ZNF148: variants seen among roughly 807,000 people sequenced by gnomAD.
The protein encoded by ZNF148 is zinc finger protein 148, also known as Beta-Enolase Repressor Factor-1.
ZNF148 carries 7 observed loss-of-function variants against 67.7 expected under a neutral mutation model. The observed-to-expected ratio is 0.10, with a 90% confidence interval of 0.06 to 0.19. The LOEUF is 0.19. ZNF148 is among the 10% of genes least tolerant of loss of function. The pLI, the probability that ZNF148 is intolerant of heterozygous loss-of-function variation, is 1.00. For missense variants in ZNF148, 583 were observed against 947.1 expected, an observed-to-expected ratio of 0.62 and a Z score of 5.05; for synonymous variants, 333 against 330.7, an observed-to-expected ratio of 1.01 and a Z score of -0.08.
intron 1 of ZNF148, among the ~76,000 whole-genome samples, chr3:125,340,113 A>C (rs2107731967): frequency 6.6e-6 from 1 of 152,342 alleles, no homozygotes; most frequent in Admixed American, 6.5e-5. Context: ...ATGGAGAAAC[A>C]AAAGAGCAGC....
At chr3:125,371,715 A>G (rs1441044058) in intron 1 of ZNF148, among the ~76,000 whole-genome samples, 1 of 151,604 alleles carries the variant, frequency 6.6e-6, no homozygotes, top group Admixed American at 6.6e-5. Context: ...TTCAAGGGTC[A>G]TTTTAATGCA....
At chr3:125,267,068 C>A (rs1937548017) in intron 7 of ZNF148, among the ~76,000 whole-genome samples, 1 of 142,848 alleles carries the variant, frequency 7.0e-6, no homozygotes, top group Admixed American at 7.1e-5. Context: ...ACACACCAAC[C>A]AGGAAAGAAA....
At chr3:125,268,676 G>C (rs1400366320) in intron 7 of ZNF148, among the ~76,000 whole-genome samples, 1 of 152,110 alleles carries the variant, frequency 6.6e-6, no homozygotes, top group Non-Finnish European at 1.5e-5. Flanking sequence ...TCCCGCAATT[G>C]CAACAACAAT....
rs941257665 is a variant in ZNF148 at position 125,232,152 on chromosome 3, A to T, written c.*189T>A. Reference sequence around the variant, plus strand: ...TGCTTCTATAAAGGTGACAACATGTAAGGCAGTTCAAAGAATGCTGACTAA... The same window carrying T: ...TGCTTCTATAAAGGTGACAACATGTTAGGCAGTTCAAAGAATGCTGACTAA... On this transcript the variant is annotated 3_prime_UTR_variant, in exon 9 of 9. Coordinates refer to ENST00000360647, the MANE Select transcript of ZNF148 (RefSeq NM_021964.3). This position sits in a 1 kb window ranked among gnomAD's most constrained non-coding sequence, Gnocchi z 4.2. 9 of 626,770 alleles carry T rather than the reference A, an allele frequency of 1.4e-5. No individual in the cohort carries two copies. Among genetic ancestry groups the T allele is most frequent in the African/African-American group, 3.7e-5 (2 of 54,548 alleles). 38.8% of individuals were successfully genotyped at this position (626,770 alleles called of 1,614,324 possible). A position where few individuals can be genotyped will look rare whatever the true frequency, so the allele number is the denominator to read the frequency against.
intron 7 of ZNF148, among the ~76,000 whole-genome samples, chr3:125,272,165 C>T (rs1937778887): frequency 6.6e-6 from 1 of 152,198 alleles, no homozygotes; most frequent in Non-Finnish European, 1.5e-5. Context: ...TCCATGAAGA[C>T]ACCAATCTGA....
intron 1 of ZNF148, among the ~76,000 whole-genome samples, chr3:125,336,152 T>G (rs1318531049): frequency 6.6e-6 from 1 of 152,220 alleles, no homozygotes; most frequent in Non-Finnish European, 1.5e-5. Flanking sequence ...CATTAACTGT[T>G]TATGCTCCCA....
At chr3:125,248,042 A>G (rs1172672870) in intron 7 of ZNF148, among the ~76,000 whole-genome samples, 2 of 152,222 alleles carry the variant, frequency 1.3e-5, no homozygotes, top group Non-Finnish European at 2.9e-5. Flanking sequence ...ATCTAAGCAT[A>G]TTAACACTAA....
At chr3:125,242,946 C>T (rs1936433709) in intron 7 of ZNF148, among the ~76,000 whole-genome samples, 1 of 152,200 alleles carries the variant, frequency 6.6e-6, no homozygotes, top group South Asian at 2.1e-4. Context: ...GTTGGTAAGG[C>T]TAATCTTCCT....
At chr3:125,279,275 A>C in intron 5 of ZNF148, 28 bp from the exon 6 acceptor site, 1 of 1,495,288 alleles carries the variant, frequency 6.7e-7, no homozygotes, top group Non-Finnish European at 9.0e-7. Flanking sequence ...AGGCAAAAAC[A>C]AAAGAAATAA....
chr3:125,267,418 A>G (rs1937558629), intron 7 of ZNF148, among the ~76,000 whole-genome samples: 1 of 152,196 alleles, frequency 6.6e-6, no homozygotes, highest in African/African-American at 2.4e-5. Context: ...GGTTCCCCAT[A>G]TGCAAATCAA....
chr3:125,298,005 A>T (rs895939857), intron 4 of ZNF148, among the ~76,000 whole-genome samples: 2 of 152,234 alleles, frequency 1.3e-5, no homozygotes, highest in Non-Finnish European at 2.9e-5. Flanking sequence ...TGATGATTCT[A>T]CAGAAATTAC....
Position 125,229,297 on chromosome 3 carries a change from T to G in ZNF148, c.*3044A>C, listed in dbSNP as rs903596224. 1.1e-4 allele frequency: 17 copies of G among 151,636 alleles called. No homozygotes were observed. Among genetic ancestry groups the G allele is most frequent in the Admixed American group, 9.9e-4 (15 of 15,186 alleles). The allele number at this position is 151,636 out of a possible 1,614,324, so 9.4% of individuals were successfully genotyped here. A position where few individuals can be genotyped will look rare whatever the true frequency, so the allele number is the denominator to read the frequency against. ...TCTAACCTAGCTGGCACTCTGCAAG[T>G]GTCTCTCCTCTGTGGAAACGAAATC... On this transcript the variant is annotated 3_prime_UTR_variant, in exon 9 of 9. Transcript: ENST00000360647.
In ZNF148 at chr3:125,229,197, T is replaced by C. The variant is rs1325656353; in HGVS notation, c.*3144A>G. ...TACAGTAATGCCTACTTTTAAAGTT[T>C]CCCGGCCTTTTTTTTTTTTTTTTAA... On this transcript the variant is annotated 3_prime_UTR_variant, in exon 9 of 9. Coordinates refer to ENST00000360647, the MANE Select transcript of ZNF148 (RefSeq NM_021964.3). 1 of 115,056 alleles carries C rather than the reference T, an allele frequency of 8.7e-6. No individual in the cohort carries two copies. Among genetic ancestry groups the C allele is most frequent in the Non-Finnish European group, 1.7e-5 (1 of 57,172 alleles). The allele number at this position is 115,056 out of a possible 1,614,324, so 7.1% of individuals were successfully genotyped here.
At chr3:125,328,979 C>G (rs1941148386) in intron 2 of ZNF148, among the ~76,000 whole-genome samples, 1 of 142,058 alleles carries the variant, frequency 7.0e-6, no homozygotes, top group African/African-American at 2.7e-5. Flanking sequence ...TAATTTTTCC[C>G]TTCGGAATTT....
intron 1 of ZNF148, among the ~76,000 whole-genome samples, chr3:125,355,712 C>A (rs1161705164): frequency 8.2e-6 from 1 of 121,280 alleles, no homozygotes; most frequent in Non-Finnish European, 1.7e-5. Context: ...CACAGTGAGA[C>A]CCCAGTCTCT....
intron 7 of ZNF148, among the ~76,000 whole-genome samples, chr3:125,261,826 T>TTA (rs1560122353): frequency 0.1 from 1,073 of 10,600 alleles, 17 homozygotes; most frequent in African/African-American, 0.34. Flanking sequence ...GGTTGACAAG[T>TTA]TTTTTTTTTT....
At chr3:125,373,643 G>A (rs890241522) in intron 1 of ZNF148, among the ~76,000 whole-genome samples, 3 of 152,092 alleles carry the variant, frequency 2.0e-5, no homozygotes, top group Non-Finnish European at 4.4e-5. Flanking sequence ...AACCAAAACA[G>A]ATATTCTAGC....
chr3:125,317,770 G>T (rs965333707), intron 3 of ZNF148, among the ~76,000 whole-genome samples: 19 of 148,614 alleles, frequency 1.3e-4, no homozygotes, highest in Admixed American at 3.4e-4. Flanking sequence ...AAATAAGAAA[G>T]GATCTTCATG....
At chr3:125,267,307 T>C (rs1272683266) in intron 7 of ZNF148, among the ~76,000 whole-genome samples, 1 of 150,004 alleles carries the variant, frequency 6.7e-6, no homozygotes, top group East Asian at 1.9e-4. Flanking sequence ...TGGAAATAGA[T>C]GCAAAAATCC....
Sources: allele counts gnomAD v4.1 joint callset (sites outside exome capture counted in the v4.1 genomes callset), GRCh38; gene constraint gnomAD v4.1.1; non-coding constraint Gnocchi (gnomAD v3.1); transcripts MANE v1.5; gene names NCBI Gene and HGNC (gene_info 2026-07-23, HGNC 2026-07-21).